Variants in WDFY2 observed in about 807,000 individuals in gnomAD.
WDFY2 encodes the protein WD repeat and FYVE domain-containing protein 2.
WDFY2 carries 36 observed loss-of-function variants against 56.4 expected under a neutral mutation model. The observed-to-expected ratio is 0.64, with a 90% CI of 0.49 to 0.84. WDFY2 has a LOEUF of 0.84. Ranked by LOEUF, WDFY2 falls within the 40% of genes least tolerant of loss-of-function variation. WDFY2 has a pLI of 0.00. For synonymous variants in WDFY2, 176 were observed against 183.7 expected (o/e 0.96, Z 0.34); for missense variants, 444 against 512.2 (o/e 0.87, Z 1.29).
intron 1 of WDFY2, among the ~76,000 whole-genome samples, chr13:51,649,766 T>A (rs933168842): frequency 6.6e-6 from 1 of 152,140 alleles, no homozygotes; most frequent in Non-Finnish European, 1.5e-5. Context: ...TGTTCTGTTC[T>A]ATTGGTCTAT....
In WDFY2 at chr13:51,667,879, C is replaced by CT. The variant is rs66771214; in HGVS notation, c.205+7246dup. Among the ~76,000 whole-genome samples the CT allele has an allele frequency of 8.9e-3, 446 of 50,038 alleles. 94 individuals are homozygous for CT. Among genetic ancestry groups the CT allele is most frequent in the African/African-American group, 0.031 (312 of 10,018 alleles). The allele number at this position is 50,038 out of a possible 152,430, so 32.8% of individuals were successfully genotyped here. A position where few individuals can be genotyped will look rare whatever the true frequency, so the allele number is the denominator to read the frequency against. ...GAAGAAAAAGGTACCTGAGGAACTT[C>CT]TTTTTTTTTTTTTTTTTTTTTTTTT... On this transcript the variant is annotated intron_variant, in intron 2 of 11. Coordinates refer to ENST00000298125, the MANE Select transcript of WDFY2 (RefSeq NM_052950.4).
At chr13:51,747,696 T>G (rs145624033) in intron 7 of WDFY2, among the ~76,000 whole-genome samples, 96 of 152,204 alleles carry the variant, frequency 6.3e-4, no homozygotes, top group African/African-American at 2.2e-3. Flanking sequence ...CACATCTGAC[T>G]GAGTTTTTAA....
chr13:51,699,485 C>G (rs776952969), intron 3 of WDFY2, among the ~76,000 whole-genome samples: 1 of 152,164 alleles, frequency 6.6e-6, no homozygotes, highest in Non-Finnish European at 1.5e-5. Context: ...ATTAGACTTA[C>G]GCTTTGCTTC....
Position 51,719,367 on chromosome 13 carries a change from A to T in WDFY2, c.485+19A>T, listed in dbSNP as rs1027858015. The T allele has an allele frequency of 3.3e-6, 5 of 1,538,050 alleles. No individual in the cohort carries two copies. Among genetic ancestry groups the T allele is most frequent in the Non-Finnish European group, 3.5e-6 (4 of 1,145,328 alleles). On this transcript the variant is annotated intron_variant, in intron 5 of 11. Transcript: ENST00000298125. ...GCCTGCAGTATCCTTTGCTGGACAAAAATCTCTTAGTGGGAACTTAACTGT... is the reference window on the plus strand; with the variant it reads ...GCCTGCAGTATCCTTTGCTGGACAATAATCTCTTAGTGGGAACTTAACTGT...
At chr13:51,680,660 A>G (rs550558948) in intron 3 of WDFY2, among the ~76,000 whole-genome samples, 102 of 152,324 alleles carry the variant, frequency 6.7e-4, no homozygotes, top group South Asian at 4.6e-3. Context: ...TGATGTCTTC[A>G]GGAAGAAGTA....
chr13:51,747,420 T>C (rs1192568244), intron 7 of WDFY2, among the ~76,000 whole-genome samples: 2 of 152,238 alleles, frequency 1.3e-5, no homozygotes, highest in Admixed American at 6.5e-5. Context: ...TTTTACCTAC[T>C]GACTTAACAT....
intron 2 of WDFY2, among the ~76,000 whole-genome samples, chr13:51,669,231 T>C (rs897504819): frequency 5.3e-5 from 8 of 152,212 alleles, no homozygotes; most frequent in African/African-American, 1.9e-4. Context: ...CTTCTCTTTG[T>C]TTTGATTTTC....
intron 3 of WDFY2, among the ~76,000 whole-genome samples, chr13:51,689,191 A>G (rs1956108002): frequency 6.6e-6 from 1 of 152,126 alleles, no homozygotes; most frequent in South Asian, 2.1e-4. Flanking sequence ...AGCCAACTGC[A>G]TATGGTTACT....
intron 1 of WDFY2, among the ~76,000 whole-genome samples, chr13:51,642,533 A>G (rs1213793648): frequency 2.0e-5 from 3 of 152,042 alleles, no homozygotes. Context: ...CTTGAGCTCA[A>G]GTGATCCACC....
intron 4 of WDFY2, among the ~76,000 whole-genome samples, chr13:51,707,494 C>A (rs922824832): frequency 3.3e-5 from 5 of 152,282 alleles, no homozygotes; most frequent in Admixed American, 3.3e-4. Context: ...AAACTTCCAA[C>A]ATAGAATTAT....
At chr13:51,704,399 A>C (rs1952043869) in intron 4 of WDFY2, among the ~76,000 whole-genome samples, 1 of 152,250 alleles carries the variant, frequency 6.6e-6, no homozygotes, top group Non-Finnish European at 1.5e-5. Flanking sequence ...ACAGAATTGT[A>C]ATAGTGAACC....
intron 4 of WDFY2, among the ~76,000 whole-genome samples, chr13:51,717,458 G>A (rs543525695): frequency 1.3e-5 from 2 of 152,106 alleles, no homozygotes; most frequent in Admixed American, 1.3e-4. Flanking sequence ...CTCTGGCACA[G>A]GAAGGCTGCT....
At chr13:51,692,036 T>G (rs1457723982) in intron 3 of WDFY2, among the ~76,000 whole-genome samples, 2 of 152,222 alleles carry the variant, frequency 1.3e-5, no homozygotes, top group Non-Finnish European at 2.9e-5. Flanking sequence ...TTTTTGTACA[T>G]TGATTTTGTA....
At chr13:51,646,758 G>A (rs1277316502) in intron 1 of WDFY2, among the ~76,000 whole-genome samples, 3 of 152,210 alleles carry the variant, frequency 2.0e-5, no homozygotes. Context: ...TTCACTATCT[G>A]CATCACTATA....
chr13:51,700,999 A>G (rs539250731), intron 3 of WDFY2, among the ~76,000 whole-genome samples: 2 of 152,308 alleles, frequency 1.3e-5, no homozygotes, highest in East Asian at 3.9e-4. Flanking sequence ...CATCCTATAC[A>G]GTCATCAAAA....
chr13:51,597,380 A>G (rs1255940554), intron 1 of WDFY2, among the ~76,000 whole-genome samples: 4 of 152,238 alleles, frequency 2.6e-5, no homozygotes, highest in Admixed American at 6.5e-5. Context: ...CTGGGAAACT[A>G]CATTCTTAAG....
intron 1 of WDFY2, among the ~76,000 whole-genome samples, chr13:51,643,857 G>A (rs947935057): frequency 6.6e-6 from 1 of 151,876 alleles, no homozygotes; most frequent in East Asian, 1.9e-4. Context: ...TACTGTATGT[G>A]ATAAAAATGA....
chr13:51,654,181 G>A (rs1955461833), intron 1 of WDFY2, among the ~76,000 whole-genome samples: 2 of 152,204 alleles, frequency 1.3e-5, no homozygotes, highest in Admixed American at 6.5e-5. Flanking sequence ...GCAAGGCTCC[G>A]TGGGCGTAGG....
At chr13:51,665,996 C>T (rs1016695620) in intron 2 of WDFY2, among the ~76,000 whole-genome samples, 1 of 152,138 alleles carries the variant, frequency 6.6e-6, no homozygotes, top group East Asian at 1.9e-4. Context: ...TGGCATTTAC[C>T]CAGTCTGAAG....
Sources: allele counts gnomAD v4.1 joint callset (sites outside exome capture counted in the v4.1 genomes callset), GRCh38; gene constraint gnomAD v4.1.1; transcripts MANE v1.5; gene names NCBI Gene and HGNC (gene_info 2026-07-23, HGNC 2026-07-21).